Variants in ANGPTL7 observed in about 807,000 individuals in gnomAD.
ANGPTL7 encodes the protein angiopoietin-related protein 7.
A neutral mutation model predicts 38.8 loss-of-function variants in ANGPTL7; 37 were observed. The observed-to-expected ratio is 0.95, with a 90% CI of 0.73 to 1.25. The LOEUF is 1.25. Among genes scored for constraint, ANGPTL7 ranks in the 50% most tolerant of loss-of-function variants. ANGPTL7 has a pLI of 0.00. For missense variants in ANGPTL7, 427 were observed against 438.6 expected (o/e 0.97, Z 0.24); for synonymous variants, 166 against 163.2 (o/e 1.02, Z -0.13).
chr1:11,191,996 A>T (rs898576211), intron 1 of ANGPTL7, among the ~76,000 whole-genome samples: 1 of 152,180 alleles, frequency 6.6e-6, no homozygotes, highest in Non-Finnish European at 1.5e-5. Flanking sequence ...TAGCAGAATA[A>T]TTTATTTCAG....
At chr1:11,190,518 C>A (rs541194297) in intron 1 of ANGPTL7, among the ~76,000 whole-genome samples, 2 of 152,256 alleles carry the variant, frequency 1.3e-5, no homozygotes, top group African/African-American at 4.8e-5. Flanking sequence ...AGGAAGGATG[C>A]GGCTCCTTAA....
rs182647808 is a variant in ANGPTL7, at chr1:11,194,641, T to C, written c.853T>C (p.Cys285Arg). 14 of 1,614,116 alleles carry C rather than the reference T, an allele frequency of 8.7e-6. No individual in the cohort carries two copies. Among genetic ancestry groups the C allele is most frequent in the Admixed American group, 1.7e-5 (1 of 60,022 alleles). ...DKDNDNCLDK[C>R]AQLRKGGYWY... ...GGACAATGACAACTGCTTGGACAAG[T>C]GTGCACAGCTCCGCAAAGGTGAGAT... Residue 285 changes from cysteine to arginine, a missense_variant, in exon 4 of 5, where the codon TGT (cysteine) becomes CGT (arginine). Cys to Arg is a radical substitution (Grantham distance 180). Coordinates refer to ENST00000376819, the MANE Select transcript of ANGPTL7 (RefSeq NM_021146.4).
At position 11,189,404 on chromosome 1, in the gene ANGPTL7, A is replaced by C; in HGVS notation, c.-176A>C. ...TACCCATTCAGCTCCCCTGTCAGAG[A>C]CTCAAGCTTTGAGAAAGGCTAGCAA... On this transcript the variant is annotated 5_prime_UTR_variant, in exon 1 of 5. Transcript: ENST00000376819. 1.3e-6 allele frequency: 1 copy of C among 784,964 alleles called. No individual in the cohort carries two copies. Among genetic ancestry groups the C allele is most frequent in the Non-Finnish European group, 2.0e-6 (1 of 492,112 alleles). 48.6% of individuals were successfully genotyped at this position (784,964 alleles called of 1,614,324 possible). A position where few individuals can be genotyped will look rare whatever the true frequency, so the allele number is the denominator to read the frequency against.
chr1:11,193,852 C>T (rs182375656), intron 3 of ANGPTL7, 78 bp downstream of exon 3: 206 of 1,397,172 alleles, frequency 1.5e-4, no homozygotes, highest in Non-Finnish European at 2.0e-4. Flanking sequence ...GGGTGCCATT[C>T]CTATTCTGAT....
chr1:11,193,515 C>A, intron 2 of ANGPTL7, 65 bp from the exon 3 acceptor site: 2 of 1,459,584 alleles, frequency 1.4e-6, no homozygotes, highest in Non-Finnish European at 1.8e-6. Context: ...GGTTGGGAAG[C>A]CTGCCCTCTT....
At chr1:11,194,141 A>G (rs1645678634) in intron 3 of ANGPTL7, among the ~76,000 whole-genome samples, 1 of 152,202 alleles carries the variant, frequency 6.6e-6, no homozygotes, top group Admixed American at 6.5e-5. Flanking sequence ...GAAAGCACTC[A>G]CTATATCCTC....
chr1:11,194,617 G>C lies in ANGPTL7; in HGVS notation c.829G>C (p.Asp277His), dbSNP rs910797684. The C allele has an allele frequency of 1.9e-6, 3 of 1,614,216 alleles. No individual in the cohort carries two copies. In the African/African-American group the frequency reaches 4.0e-5, roughly 22 times the overall value. ...CACAGCCTTCAGCACCAAGGACAAGGACAATGACAACTGCTTGGACAAGTG... is the reference window on the plus strand; with the variant it reads ...CACAGCCTTCAGCACCAAGGACAAGCACAATGACAACTGCTTGGACAAGTG... ...NNTAFSTKDK[D>H]NDNCLDKCAQ... Residue 277 changes from aspartate to histidine, a missense_variant, in exon 4 of 5, where the codon GAC becomes CAC. Physicochemically the swap from Asp to His is moderately conservative, Grantham distance 81. Coordinates refer to ENST00000376819, the MANE Select transcript of ANGPTL7 (RefSeq NM_021146.4).
chr1:11,194,924 T>C lies in ANGPTL7; in HGVS notation c.942T>C (p.Asn314=), dbSNP rs752014708. ...NGVYYRLGEH[N]KHLDGITWYG... is the part of the protein sequence containing the mutation. ...TGTACTACCGCCTGGGTGAGCACAATAAGCACCTGGATGGCATCACCTGGT... is the reference window on the plus strand; with the variant it reads ...TGTACTACCGCCTGGGTGAGCACAACAAGCACCTGGATGGCATCACCTGGT... The change falls in exon 5 of 5, where the codon AAT becomes AAC. Residue 314 remains asparagine (N), a synonymous_variant. Transcript: ENST00000376819. 1.2e-6 allele frequency: 2 copies of C among 1,614,124 alleles called. No homozygotes were observed. Among genetic ancestry groups the C allele is most frequent in the South Asian group, 1.1e-5 (1 of 91,074 alleles).
At position 11,189,519 on chromosome 1, in the gene ANGPTL7, T is replaced by G. The variant is rs1190119016; in HGVS notation, c.-61T>G. 2 of 1,523,520 alleles carry G rather than the reference T, an allele frequency of 1.3e-6. No homozygotes were observed. The highest frequency in any genetic ancestry group is 1.8e-6 in the Non-Finnish European group (2 of 1,140,166). The allele number at this position is 1,523,520 out of a possible 1,614,324, so 94.4% of individuals were successfully genotyped here. A position where few individuals can be genotyped will look rare whatever the true frequency, so the allele number is the denominator to read the frequency against. On this transcript the variant is annotated 5_prime_UTR_variant, in exon 1 of 5. Transcript: ENST00000376819. ...TCAGCCTGCTGCAGCTTTGCAGACC[T>G]CAGCTGGGCATCTCCAGACTCCCCT...
chr1:11,192,122 C>A, intron 1 of ANGPTL7, 148 bp from the exon 2 acceptor site: 1 of 659,996 alleles, frequency 1.5e-6, no homozygotes, highest in Non-Finnish European at 2.6e-6. Context: ...TGGATCTCCC[C>A]ATATCCACCT....
intron 2 of ANGPTL7, 53 bp from the exon 3 acceptor site, chr1:11,193,527 C>T: frequency 2.6e-6 from 4 of 1,515,072 alleles, no homozygotes; most frequent in South Asian, 1.3e-5. Flanking sequence ...TGCCCTCTTG[C>T]TCCTGCCTTC....
At chr1:11,194,195 T>G (rs987280162) in intron 3 of ANGPTL7, among the ~76,000 whole-genome samples, 3 of 152,172 alleles carry the variant, frequency 2.0e-5, no homozygotes, top group African/African-American at 7.2e-5. Context: ...AGCAAAAACA[T>G]AGCTGCACCT....
rs2076658 is a variant in ANGPTL7 at position 11,194,951 on chromosome 1, T to C, written c.969T>C (p.Tyr323=). 0.038 allele frequency: 60,731 copies of C among 1,613,952 alleles called. 2,074 individuals are homozygous for C. Among genetic ancestry groups the C allele is most frequent in the South Asian group, 0.12 (10,867 of 91,074 alleles). The part of the protein sequence containing the change: ...HNKHLDGITW[Y]GWHGSTYSLK... ...AGCACCTGGATGGCATCACCTGGTATGGCTGGCATGGATCTACCTACTCCC... is the reference window on the plus strand; with the variant it reads ...AGCACCTGGATGGCATCACCTGGTACGGCTGGCATGGATCTACCTACTCCC... The change falls in exon 5 of 5, where the codon TAT becomes TAC. Residue 323 remains tyrosine (Y), a synonymous_variant. Coordinates refer to ENST00000376819, the MANE Select transcript of ANGPTL7 (RefSeq NM_021146.4).
In ANGPTL7 at chr1:11,195,340, A is replaced by C; in HGVS notation, c.*317A>C. On this transcript the variant is annotated 3_prime_UTR_variant, in exon 5 of 5. Transcript: ENST00000376819. ...TCCACATGATTTGTCTGTGAAAGAA[A>C]ATAATTTTGAGATCGTTTTATCTAT... 3.9e-6 allele frequency: 1 copy of C among 253,842 alleles called. No individual in the cohort carries two copies. Among genetic ancestry groups the C allele is most frequent in the East Asian group, 8.0e-5 (1 of 12,502 alleles). The allele number at this position is 253,842 out of a possible 1,614,324, so 15.7% of individuals were successfully genotyped here. A position where few individuals can be genotyped will look rare whatever the true frequency, so the allele number is the denominator to read the frequency against.
At chr1:11,190,983 C>T (rs748913450) in intron 1 of ANGPTL7, among the ~76,000 whole-genome samples, 4 of 152,330 alleles carry the variant, frequency 2.6e-5, no homozygotes, top group Non-Finnish European at 5.9e-5. Flanking sequence ...TAAGCATGGA[C>T]TTCCGGGCCC....
Position 11,189,402 on chromosome 1 carries a change from A to T in ANGPTL7, c.-178A>T. ...GCTACCCATTCAGCTCCCCTGTCAG[A>T]GACTCAAGCTTTGAGAAAGGCTAGC... On this transcript the variant is annotated 5_prime_UTR_variant, in exon 1 of 5. Transcript: ENST00000376819. 1 of 771,594 alleles carries T rather than the reference A, an allele frequency of 1.3e-6. No individual in the cohort carries two copies. Among genetic ancestry groups the T allele is most frequent in the Non-Finnish European group, 2.1e-6 (1 of 480,982 alleles). 47.8% of individuals were successfully genotyped at this position (771,594 alleles called of 1,614,324 possible). A position where few individuals can be genotyped will look rare whatever the true frequency, so the allele number is the denominator to read the frequency against.
intron 3 of ANGPTL7, 76 bp downstream of exon 3, chr1:11,193,850 T>C: frequency 7.1e-7 from 1 of 1,411,356 alleles, no homozygotes; most frequent in South Asian, 1.2e-5. Context: ...GGGGGTGCCA[T>C]TCCTATTCTG....
chr1:11,193,046 C>G (rs1571125018), intron 2 of ANGPTL7, among the ~76,000 whole-genome samples: 1 of 152,132 alleles, frequency 6.6e-6, no homozygotes, highest in East Asian at 1.9e-4. Flanking sequence ...GGCATGGTGG[C>G]TCACACCTGT....
In ANGPTL7 at chr1:11,190,175, A is replaced by G. The variant is rs566002043; in HGVS notation, c.376+220A>G. ...TATCCACACAGTGTTTCAGCCTACC[A>G]TCTTGGAGTGCTGAGATACTACATG... On this transcript the variant is annotated intron_variant, in intron 1 of 4. Transcript: ENST00000376819. Among the ~76,000 whole-genome samples, 16 of 152,314 alleles carry G rather than the reference A, an allele frequency of 1.1e-4. 1 individual carries two copies. The South Asian group carries it at 3.3e-3, about 32-fold the overall frequency.
Sources: gnomAD v4.1 joint callset for allele counts (sites outside exome capture counted in the v4.1 genomes callset) on GRCh38, gnomAD v4.1.1 for gene constraint, MANE v1.5 for transcripts, NCBI Gene and HGNC (gene_info 2026-07-23, HGNC 2026-07-21) for gene names.